The following PCM1 variants were observed in gnomAD, a reference collection of about 807,000 sequenced individuals.
The protein encoded by PCM1 is pericentriolar material 1, also known as pericentriolar material 1 protein.
PCM1 carries 157 observed loss-of-function variants against 241.9 expected under a neutral mutation model. The ratio of observed to expected loss-of-function variants is 0.65; its 90% CI spans 0.57 to 0.74. The LOEUF (loss-of-function observed/expected upper bound fraction) is 0.74, where lower values mean the gene tolerates loss of function less well. PCM1 is among the 30% of genes least tolerant of loss of function. The pLI, the probability that PCM1 is intolerant of heterozygous loss-of-function variation, is 0.00. For missense variants in PCM1, 3,478 were observed against 2,360.1 expected (o/e 1.47, Z -9.81); for synonymous variants, 1,085 against 784.9 (o/e 1.38, Z -6.39).
intron 31 of PCM1, among the ~76,000 whole-genome samples, chr8:18,009,967 G>A (rs952244820): frequency 6.6e-6 from 1 of 152,200 alleles, no homozygotes; most frequent in Non-Finnish European, 1.5e-5. Flanking sequence ...GATGTTAAAT[G>A]TACATTGTCA....
At chr8:17,964,449 TGA>T (rs2074008283) in intron 17 of PCM1, 117 bp from the exon 18 acceptor site, 1 of 692,010 alleles carries the variant, frequency 1.4e-6, no homozygotes, top group East Asian at 2.7e-5. Context: ...TGTGATTAAA[TGA>T]AATTTTATAT....
In PCM1 at chr8:18,014,623, A is replaced by G. The variant is rs1201274721; in HGVS notation, c.5624A>G (p.Asn1875Ser). ...NNCPVKPCYLNILEDEQPLNS... is the reference protein window; with the variant it reads ...NNCPVKPCYLSILEDEQPLNS... ...TGTCCTGTGAAACCCTGTTACCTCA[A>G]TATCTTGGAAGATGAGCAACCTTTA... Residue 1875 changes from asparagine (N) to serine (S), a missense_variant, in exon 36 of 39, where the codon AAT (asparagine) becomes AGT (serine). Physicochemically the swap from Asn to Ser is conservative, Grantham distance 46. Transcript: ENST00000325083. 1.2e-6 allele frequency: 2 copies of G among 1,612,930 alleles called. No homozygotes were observed. The highest frequency in any genetic ancestry group is 1.7e-6 in the Non-Finnish European group (2 of 1,179,096).
rs202087876 is a variant in PCM1, at chr8:17,993,634, T to A, written c.4827+15T>A. ...CTTTTTTGAAGGTAAGCAATTATTT[T>A]AAAAAATAAACGAAACCTTCTATGT... On this transcript the variant is annotated intron_variant, in intron 29 of 38. Coordinates refer to ENST00000325083, the MANE Select transcript of PCM1 (RefSeq NM_006197.4). 4.4e-4 allele frequency: 690 copies of A among 1,558,642 alleles called. 8 individuals are homozygous for A. The East Asian group carries it at 0.011, about 24-fold the overall frequency.
Position 17,955,621 on chromosome 8 carries a change from C to G in PCM1, c.1440C>G (p.Asn480Lys). The stretch of plus-strand genomic sequence containing the variant: ...TAGTATCTCAGAATGAGAGTGAAAA[C>G]GAAGGCCACCTCAATCCATCTGAAA... ...ASLVSQNESENEGHLNPSEKL... is the reference protein window; with the variant it reads ...ASLVSQNESEKEGHLNPSEKL... Residue 480 changes from asparagine (N) to lysine (K), a missense_variant, in exon 10 of 39, where the codon AAC (asparagine) becomes AAG (lysine). Physicochemically the swap from Asn to Lys is moderately conservative, Grantham distance 94. Transcript: ENST00000325083. The G allele has an allele frequency of 1.2e-6, 2 of 1,613,342 alleles. No individual in the cohort carries two copies. The highest frequency in any genetic ancestry group is 1.7e-6 in the Non-Finnish European group (2 of 1,179,438).
chr8:17,962,655 C>G (rs143819339), intron 16 of PCM1, among the ~76,000 whole-genome samples: 87 of 152,150 alleles, frequency 5.7e-4, no homozygotes, highest in African/African-American at 2.0e-3. Context: ...AATCCCAGCA[C>G]TTTGGGAGGC....
At chr8:17,952,536 T>G (rs2066467023) in intron 8 of PCM1, among the ~76,000 whole-genome samples, 1 of 152,166 alleles carries the variant, frequency 6.6e-6, no homozygotes. Flanking sequence ...AGGAATATTT[T>G]GGGGGGAGAA....
chr8:17,961,901 G>T, intron 15 of PCM1, 133 bp from the exon 16 acceptor site: 2 of 627,970 alleles, frequency 3.2e-6, no homozygotes, highest in East Asian at 6.3e-5. Context: ...TTCGGATGAT[G>T]ATGGAAGTCA....
rs1258079229 is a variant in PCM1 at position 18,028,276 on chromosome 8, G to C, written c.*614G>C. On this transcript the variant is annotated 3_prime_UTR_variant, in exon 39 of 39. Transcript: ENST00000325083. Reference sequence around the variant, plus strand: ...TTAATCCATTGAAATTGGATAATAAGTTTAGAACATAGGTTCTCAGTATCT... The same window carrying C: ...TTAATCCATTGAAATTGGATAATAACTTTAGAACATAGGTTCTCAGTATCT... 1.1e-5 allele frequency: 2 copies of C among 185,732 alleles called. No homozygotes were observed. The highest frequency in any genetic ancestry group is 2.0e-4 in the South Asian group (1 of 5,062). The allele number at this position is 185,732 out of a possible 1,614,324, so 11.5% of individuals were successfully genotyped here. A position where few individuals can be genotyped will look rare whatever the true frequency, so the allele number is the denominator to read the frequency against.
At chr8:17,981,978 G>A (rs940505237) in intron 24 of PCM1, among the ~76,000 whole-genome samples, 2 of 151,846 alleles carry the variant, frequency 1.3e-5, no homozygotes, top group Admixed American at 1.3e-4. Flanking sequence ...ACAAAAATTT[G>A]AAAGCAAAAA....
At position 18,006,251 on chromosome 8, in the gene PCM1, G is replaced by C. The variant is rs1386920194; in HGVS notation, c.4828-12G>C. ...GTAAGTTTATATTCTAACCAACTAG[G>C]ATTTTTCTCAGGAGCACATGGATGA... On this transcript the variant is annotated splice_polypyrimidine_tract_variant and intron_variant, in intron 29 of 38. Transcript: ENST00000325083. 3.8e-6 allele frequency: 6 copies of C among 1,589,602 alleles called. No homozygotes were observed. The Admixed American group carries it at 8.9e-5, about 24-fold the overall frequency.
intron 16 of PCM1, 115 bp downstream of exon 16, chr8:17,962,289 ATAGTAG>A (rs1290840245): frequency 2.5e-6 from 2 of 808,182 alleles, no homozygotes; most frequent in South Asian, 4.5e-5. Context: ...ATGTTTGTAA[ATAGTAG>A]TCTGCTTTGT....
intron 29 of PCM1, among the ~76,000 whole-genome samples, chr8:17,996,431 G>A (rs889757151): frequency 1.3e-5 from 2 of 152,078 alleles, no homozygotes; most frequent in East Asian, 1.9e-4. Flanking sequence ...GTTGAATTCC[G>A]AGGTATCGGT....
intron 29 of PCM1, 87 bp downstream of exon 29, chr8:17,993,706 C>A: frequency 8.9e-7 from 1 of 1,122,936 alleles, no homozygotes; most frequent in Non-Finnish European, 1.2e-6. Context: ...TAAAGTTCAA[C>A]GGTATAGGTA....
chr8:17,962,752 A>T (rs1028068451), intron 16 of PCM1, among the ~76,000 whole-genome samples: 1 of 151,912 alleles, frequency 6.6e-6, no homozygotes, highest in Non-Finnish European at 1.5e-5. Flanking sequence ...ATACAAAAAA[A>T]ATTAGCTAGG....
intron 36 of PCM1, among the ~76,000 whole-genome samples, chr8:18,018,872 A>G (rs1370723896): frequency 9.4e-5 from 6 of 63,780 alleles, no homozygotes; most frequent in Non-Finnish European, 2.2e-4. Flanking sequence ...ATATATATAT[A>G]TATATATACA....
rs1238080021 is a variant in PCM1 at position 17,966,310 on chromosome 8, A to G, written c.3076-18A>G. On this transcript the variant is annotated intron_variant, in intron 19 of 38. Transcript: ENST00000325083. Reference sequence around the variant, plus strand: ...CTCAAGTCATCAGTAACTATTAACAAACATTTTCTTTCAATAGACTCTATC... The same window carrying G: ...CTCAAGTCATCAGTAACTATTAACAGACATTTTCTTTCAATAGACTCTATC... 9 of 1,612,732 alleles carry G rather than the reference A, an allele frequency of 5.6e-6. No individual in the cohort carries two copies. Among genetic ancestry groups the G allele is most frequent in the East Asian group, 4.5e-5 (2 of 44,840 alleles).
intron 13 of PCM1, among the ~76,000 whole-genome samples, 157 bp from the exon 14 acceptor site, chr8:17,959,853 CAAAT>C (rs776649150): frequency 1.4e-4 from 22 of 152,002 alleles, no homozygotes; most frequent in Non-Finnish European, 2.4e-4. Context: ...CGTGTGTAAA[CAAAT>C]ATATATTGAA....
At chr8:17,944,067 T>A (rs2063043213) in intron 6 of PCM1, among the ~76,000 whole-genome samples, 1 of 152,224 alleles carries the variant, frequency 6.6e-6, no homozygotes, top group Admixed American at 6.5e-5. Flanking sequence ...ATTGTTTTCC[T>A]ATACTCATGG....
At chr8:17,968,758 G>GTGTA (rs779397772) in intron 21 of PCM1, among the ~76,000 whole-genome samples, 1 of 131,054 alleles carries the variant, frequency 7.6e-6, no homozygotes, top group Non-Finnish European at 1.7e-5. Context: ...GTGTGTGTGT[G>GTGTA]TGTGTATATA....
Sources: gnomAD v4.1 joint callset for allele counts (sites outside exome capture counted in the v4.1 genomes callset) on GRCh38, gnomAD v4.1.1 for gene constraint, MANE v1.5 for transcripts, NCBI Gene and HGNC (gene_info 2026-07-23, HGNC 2026-07-21) for gene names.